The following ELF1 variants were observed in gnomAD, a reference collection of about 807,000 sequenced individuals.
The protein encoded by ELF1 is E74 like ETS transcription factor 1.
ELF1 carries 24 observed loss-of-function variants against 59.9 expected under a neutral mutation model. The observed-to-expected ratio is 0.40, with a 90% CI of 0.29 to 0.56. The LOEUF (loss-of-function observed/expected upper bound fraction) is 0.56. ELF1 is among the 20% of genes least tolerant of loss of function. The pLI is 0.44. For missense variants in ELF1, 627 were observed against 742.2 expected, an observed-to-expected ratio of 0.84 and a Z score of 1.80; for synonymous variants, 248 against 266.2, an observed-to-expected ratio of 0.93 and a Z score of 0.67.
At chr13:40,971,466 G>A (rs575813497) in intron 2 of ELF1, among the ~76,000 whole-genome samples, 1 of 152,212 alleles carries the variant, frequency 6.6e-6, no homozygotes, top group African/African-American at 2.4e-5. Context: ...GCCCAGGCTA[G>A]TCTCAAACTC....
At position 41,054,042 on chromosome 13, in the gene ELF1, T is replaced by C. The variant is rs1053873896; in HGVS notation, c.-229+6796A>G. ...TAACTCTCAAGGATAATACCATATG[T>C]CTTATAAAATGGGATGAAAAAAATC... On this transcript the variant is annotated intron_variant, in intron 1 of 1. Transcript: ENST00000405737. 7.2e-5 allele frequency among the ~76,000 whole-genome samples: 11 copies of C among 152,236 alleles called. No homozygotes were observed. In the South Asian group the frequency reaches 2.3e-3, roughly 32 times the overall value.
chr13:40,989,957 A>G (rs1235974092), intron 1 of ELF1, among the ~76,000 whole-genome samples: 1 of 152,200 alleles, frequency 6.6e-6, no homozygotes. Flanking sequence ...GGTGTCTCTT[A>G]AGTTGTATTC....
chr13:41,025,885 A>AT (rs1166948706), intron 1 of ELF1, among the ~76,000 whole-genome samples: 3 of 152,196 alleles, frequency 2.0e-5, no homozygotes, highest in African/African-American at 7.2e-5. Context: ...TATCTGTTAC[A>AT]TACAGCTATC....
chr13:41,028,595 C>T (rs1356072368), intron 1 of ELF1, among the ~76,000 whole-genome samples: 1 of 152,158 alleles, frequency 6.6e-6, no homozygotes, highest in Non-Finnish European at 1.5e-5. Context: ...ACTATATTCT[C>T]CCTATTTTGT....
intron 1 of ELF1, among the ~76,000 whole-genome samples, chr13:41,013,644 C>T (rs1253864208): frequency 1.3e-5 from 2 of 152,154 alleles, no homozygotes; most frequent in Non-Finnish European, 2.9e-5. Context: ...TCTCAAGATA[C>T]TTATAAATAT....
intron 1 of ELF1, among the ~76,000 whole-genome samples, chr13:40,985,523 A>G (rs889180742): frequency 2.6e-5 from 4 of 152,246 alleles, no homozygotes; most frequent in Admixed American, 2.0e-4. Flanking sequence ...CCTTTCTGCT[A>G]TAACAGTTTA....
intron 5 of ELF1, among the ~76,000 whole-genome samples, chr13:40,944,163 T>TCA (rs1336148533): frequency 6.6e-6 from 1 of 152,216 alleles, no homozygotes; most frequent in Non-Finnish European, 1.5e-5. Context: ...CTTTGACACC[T>TCA]CAGTTTATAT....
intron 1 of ELF1, among the ~76,000 whole-genome samples, chr13:41,048,541 G>A (rs542263210): frequency 2.6e-5 from 4 of 151,976 alleles, no homozygotes; most frequent in African/African-American, 4.8e-5. Context: ...TCAGCCTCCC[G>A]AGTAGCTGGG....
At chr13:40,971,275 T>G (rs1872534149) in intron 2 of ELF1, among the ~76,000 whole-genome samples, 1 of 152,184 alleles carries the variant, frequency 6.6e-6, no homozygotes. Context: ...TCTTTTTTTT[T>G]GAGACAGGGT....
chr13:40,951,545 T>TTA (rs374353098), intron 3 of ELF1, 109 bp from the exon 4 acceptor site: 149 of 697,180 alleles, frequency 2.1e-4, no homozygotes, highest in Middle Eastern at 1.7e-3. Context: ...ATATTTTAGT[T>TTA]TATATATATA....
rs570060238 is a variant in ELF1, at chr13:41,057,116, G to A, written c.-229+3722C>T. ...CCCTTCTACTTCTTTAAATACCAGCGTTCATCTCTGCAAACATTTACTGAA... is the reference window on the plus strand; with the variant it reads ...CCCTTCTACTTCTTTAAATACCAGCATTCATCTCTGCAAACATTTACTGAA... On this transcript the variant is annotated intron_variant, in intron 1 of 1. Transcript: ENST00000405737. Among the ~76,000 whole-genome samples the A allele has an allele frequency of 2.0e-5, 3 of 149,334 alleles. No homozygotes were observed. The South Asian group carries it at 6.4e-4, about 32-fold the overall frequency.
intron 1 of ELF1, among the ~76,000 whole-genome samples, chr13:41,049,397 AG>A (rs1202199864): frequency 6.6e-6 from 1 of 152,234 alleles, no homozygotes; most frequent in Admixed American, 6.5e-5. Flanking sequence ...TGTACAAAAA[AG>A]TACATCATTT....
Position 41,035,727 on chromosome 13 carries a change from G to GAA in ELF1, c.-229+25109_-229+25110dup, listed in dbSNP as rs11366083. ...ACAGAGATGAGGAAAAGAACAAAAA[G>GAA]AAAAAAAAAAAAAAAGGAAAACTCC... On this transcript the variant is annotated intron_variant, in intron 1 of 1. Coordinates refer to the ELF1 transcript ENST00000405737. Among the ~76,000 whole-genome samples the GAA allele has an allele frequency of 5.0e-5, 5 of 100,002 alleles. No individual in the cohort carries two copies. In the East Asian group the frequency reaches 1.6e-3, roughly 32 times the overall value. The allele number at this position is 100,002 out of a possible 152,430, so 65.6% of individuals were successfully genotyped here.
exon 1 of ELF1, chr13:41,061,227 G>A (rs1236312292): frequency 8.6e-6 from 2 of 231,616 alleles, no homozygotes; most frequent in East Asian, 9.9e-5. Flanking sequence ...TTTGCGTTCC[G>A]GGCGGAGGCG....
chr13:40,975,398 C>T (rs1872842759), intron 2 of ELF1, among the ~76,000 whole-genome samples: 1 of 151,692 alleles, frequency 6.6e-6, no homozygotes, highest in African/African-American at 2.4e-5. Context: ...TTTTGAAAAA[C>T]AATTTTAATA....
In ELF1 at chr13:40,990,448, T is replaced by C. The variant is rs1593382448; in HGVS notation, c.-228-8166A>G. ...ACTTTACTGTATTTTCTTTATAGCA[T>C]GTATTAGTAATCACTTAATGGAACC... is the stretch of plus-strand genomic sequence containing the variant. On this transcript the variant is annotated intron_variant, in intron 1 of 8. Transcript: ENST00000239882. Among the ~76,000 whole-genome samples, 3 of 152,358 alleles carry C rather than the reference T, an allele frequency of 2.0e-5. No individual in the cohort carries two copies. The East Asian group carries it at 5.8e-4, about 29-fold the overall frequency.
At chr13:40,964,625 C>A (rs1872064551) in intron 2 of ELF1, among the ~76,000 whole-genome samples, 1 of 152,138 alleles carries the variant, frequency 6.6e-6, no homozygotes, top group South Asian at 2.1e-4. Flanking sequence ...ACCTCTGCCT[C>A]CCGGGCTCAA....
At position 40,942,887 on chromosome 13, in the gene ELF1, G is replaced by A. The variant is rs181443903; in HGVS notation, c.806+65C>T. ...TGGTGCTTTGCTGAACTTAAGCTTA[G>A]TATTTTTTTTTACAATTTAGAAAAT... On this transcript the variant is annotated intron_variant, in intron 7 of 8. Transcript: ENST00000239882. The A allele has an allele frequency of 8.1e-3, 11,445 of 1,410,096 alleles. 76 individuals are homozygous for A. The highest frequency in any genetic ancestry group is 0.014 in the South Asian group (756 of 55,892). 87.3% of individuals were successfully genotyped at this position (1,410,096 alleles called of 1,614,324 possible).
Position 41,035,058 on chromosome 13 carries a change from T to C in ELF1, c.-229+25780A>G, listed in dbSNP as rs9566670. Reference sequence around the variant, plus strand: ...GTCATTAAAAGGAAGAATTGGTCACTTCCTCCTTTGTGCTCTCACAGTATT... The same window carrying C: ...GTCATTAAAAGGAAGAATTGGTCACCTCCTCCTTTGTGCTCTCACAGTATT... On this transcript the variant is annotated intron_variant, in intron 1 of 1. Transcript: ENST00000405737. Among the ~76,000 whole-genome samples, 295 of 152,372 alleles carry C rather than the reference T, an allele frequency of 1.9e-3. 4 individuals carry two copies. The East Asian group carries it at 0.049, about 25-fold the overall frequency.
Sources: allele counts gnomAD v4.1 joint callset (sites outside exome capture counted in the v4.1 genomes callset), GRCh38; gene constraint gnomAD v4.1.1; transcripts MANE v1.5; gene names NCBI Gene and HGNC (gene_info 2026-07-23, HGNC 2026-07-21).